FGD4: variants seen among roughly 807,000 people sequenced by gnomAD.
FGD4 encodes the protein FYVE, RhoGEF and PH domain containing 4.
Under a neutral mutation model 102.0 loss-of-function variants are expected in FGD4, and 42 were observed. The observed-to-expected ratio is 0.41, with a 90% confidence interval of 0.32 to 0.53. The LOEUF is 0.53. Among genes scored for constraint, FGD4 ranks in the 20% least tolerant of loss-of-function variants. The pLI, the probability that FGD4 is intolerant of heterozygous loss-of-function variation, is 0.21. For synonymous variants in FGD4, 380 were observed against 375.7 expected, an observed-to-expected ratio of 1.01 and a Z score of -0.13; for missense variants, 902 against 1,078.2, an observed-to-expected ratio of 0.84 and a Z score of 2.29.
At chr12:32,620,019 G>A (rs1949707139) in intron 11 of FGD4, 149 bp downstream of exon 11, 9 of 936,812 alleles carry the variant, frequency 9.6e-6, no homozygotes, top group Non-Finnish European at 1.5e-5. Flanking sequence ...GTAGGTTCTT[G>A]AAAAGCAGGA....
intron 1 of FGD4, among the ~76,000 whole-genome samples, chr12:32,417,994 TC>T (rs1310311245): frequency 9.6e-5 from 14 of 146,144 alleles, no homozygotes; most frequent in Admixed American, 1.4e-4. Flanking sequence ...TCTCGCTCTG[TC>T]GCCCAGGCTG....
intron 1 of FGD4, among the ~76,000 whole-genome samples, chr12:32,531,415 A>G (rs1442330399): frequency 1.3e-5 from 2 of 152,186 alleles, no homozygotes; most frequent in Non-Finnish European, 2.9e-5. Context: ...GAAGATACAG[A>G]ACAGTCCCTT....
intron 1 of FGD4, among the ~76,000 whole-genome samples, chr12:32,411,713 G>A (rs1056941808): frequency 2.6e-5 from 4 of 152,126 alleles, no homozygotes; most frequent in Non-Finnish European, 5.9e-5. Context: ...AGTGGCTTAC[G>A]CCTGTAATCC....
intron 10 of FGD4, among the ~76,000 whole-genome samples, chr12:32,615,645 C>T (rs952330268): frequency 6.6e-6 from 1 of 151,562 alleles, no homozygotes; most frequent in East Asian, 1.9e-4. Context: ...AAGGGCAGAT[C>T]GGGGTGGGGT....
chr12:32,429,115 G>A (rs561499628), intron 1 of FGD4, among the ~76,000 whole-genome samples: 1 of 152,182 alleles, frequency 6.6e-6, no homozygotes, highest in East Asian at 1.9e-4. Flanking sequence ...TCTGGTTTTT[G>A]GAATTTTCAG....
At chr12:32,463,320 T>A (rs1943159239) in intron 1 of FGD4, among the ~76,000 whole-genome samples, 1 of 152,226 alleles carries the variant, frequency 6.6e-6, no homozygotes, top group African/African-American at 2.4e-5. Context: ...AGATGTGGAT[T>A]TCATATTGAA....
Position 32,582,322 on chromosome 12 carries a change from C to T in FGD4, c.866C>T (p.Ser289Phe). Residue 289 changes from serine to phenylalanine, a missense_variant, in exon 4 of 17, where the codon TCT becomes TTT. Physicochemically the swap from Ser to Phe is radical, Grantham distance 155 (BLOSUM62 -2). Transcript: ENST00000534526. ...PTTDSCDGNA[S>F]DSSYRTPGIG... ...ACAGACAGCTGTGATGGAAATGCTT[C>T]TGACAGTAGCTACAGGACTCCAGGC... The T allele has an allele frequency of 6.2e-7, 1 of 1,614,218 alleles. No homozygotes were observed. Among genetic ancestry groups the T allele is most frequent in the Non-Finnish European group, 8.5e-7 (1 of 1,180,030 alleles).
chr12:32,570,780 A>C (rs532725573), intron 2 of FGD4, among the ~76,000 whole-genome samples: 1 of 152,256 alleles, frequency 6.6e-6, no homozygotes, highest in South Asian at 2.1e-4. Flanking sequence ...CTTATAATAC[A>C]AAATAATACA....
At chr12:32,446,568 T>C (rs1213946501) in intron 1 of FGD4, among the ~76,000 whole-genome samples, 4 of 152,134 alleles carry the variant, frequency 2.6e-5, no homozygotes, top group Non-Finnish European at 5.9e-5. Flanking sequence ...AATGAGGCTG[T>C]TAAGACCTAC....
In FGD4 at chr12:32,470,762, A is replaced by C. The variant is rs572504531; in HGVS notation, c.166+70803A>C. ...AGCCGCTGCGCCCGGCCTGCTTTGAAGGTTTCCTTGTCTCTTCCCACCAAT... is the reference window on the plus strand; with the variant it reads ...AGCCGCTGCGCCCGGCCTGCTTTGACGGTTTCCTTGTCTCTTCCCACCAAT... On this transcript the variant is annotated intron_variant, in intron 1 of 16. Transcript: ENST00000534526. Among the ~76,000 whole-genome samples the C allele has an allele frequency of 3.5e-4, 54 of 152,166 alleles. No homozygotes were observed. In the South Asian group the frequency reaches 0.011, roughly 31 times the overall value.
chr12:32,472,371 G>GC (rs1397102790), intron 1 of FGD4, among the ~76,000 whole-genome samples: 2 of 152,020 alleles, frequency 1.3e-5, no homozygotes, highest in Non-Finnish European at 2.9e-5. Context: ...GGCTTGGTGG[G>GC]CCCCGCACTC....
chr12:32,546,947 C>T (rs1943271152), intron 1 of FGD4, among the ~76,000 whole-genome samples: 1 of 152,122 alleles, frequency 6.6e-6, no homozygotes, highest in African/African-American at 2.4e-5. Flanking sequence ...TTCCTCTTAC[C>T]TTATATTTCT....
At chr12:32,549,938 A>C (rs758448252) in intron 1 of FGD4, among the ~76,000 whole-genome samples, 8 of 152,152 alleles carry the variant, frequency 5.3e-5, no homozygotes, top group Non-Finnish European at 1.2e-4. Flanking sequence ...GCACGTCTCC[A>C]GCGTTCCTCT....
chr12:32,589,749 C>A (rs912003872), intron 4 of FGD4, among the ~76,000 whole-genome samples: 1 of 152,142 alleles, frequency 6.6e-6, no homozygotes, highest in Non-Finnish European at 1.5e-5. Flanking sequence ...CACGAAAGAA[C>A]GTAATTGAAA....
chr12:32,613,452 G>A (rs1022631481), intron 10 of FGD4, among the ~76,000 whole-genome samples: 2 of 152,178 alleles, frequency 1.3e-5, no homozygotes, highest in African/African-American at 2.4e-5. Context: ...GCACTAAGAA[G>A]GATAAGACAT....
intron 1 of FGD4, among the ~76,000 whole-genome samples, chr12:32,415,277 T>C (rs2136404085): frequency 6.6e-6 from 1 of 152,338 alleles, no homozygotes; most frequent in Non-Finnish European, 1.5e-5. Context: ...GTTTCATAAA[T>C]ACTTATTAGG....
At chr12:32,472,382 G>A (rs879192441) in intron 1 of FGD4, among the ~76,000 whole-genome samples, 1 of 150,886 alleles carries the variant, frequency 6.6e-6, no homozygotes, top group Non-Finnish European at 1.5e-5. Flanking sequence ...CCCCGCACTC[G>A]GAGCAGCCAG....
chr12:32,420,819 C>T (rs1307744877), intron 1 of FGD4, among the ~76,000 whole-genome samples: 4 of 152,098 alleles, frequency 2.6e-5, no homozygotes, highest in Non-Finnish European at 4.4e-5. Flanking sequence ...TTCAGGGGCT[C>T]AATAGATATT....
intron 8 of FGD4, among the ~76,000 whole-genome samples, chr12:32,610,575 C>CT (rs1433322254): frequency 6.6e-6 from 1 of 152,150 alleles, no homozygotes; most frequent in East Asian, 1.9e-4. Context: ...TCATGTATGA[C>CT]TTTTTATAAG....
Sources: allele counts gnomAD v4.1 joint callset (sites outside exome capture counted in the v4.1 genomes callset), GRCh38; gene constraint gnomAD v4.1.1; transcripts MANE v1.5; gene names NCBI Gene and HGNC (gene_info 2026-07-23, HGNC 2026-07-21).